The following ASXL3 variants were observed in gnomAD, a reference collection of about 807,000 sequenced individuals.
The protein encoded by ASXL3 is ASXL transcriptional regulator 3.
ASXL3 carries 34 observed loss-of-function variants against 170.6 expected under a neutral mutation model. The observed-to-expected ratio is 0.20, with a 90% CI of 0.15 to 0.27. The LOEUF (loss-of-function observed/expected upper bound fraction) is 0.27. Among genes scored for constraint, ASXL3 ranks in the 10% least tolerant of loss-of-function variants. The probability of loss-of-function intolerance (pLI) is 1.00; values close to 1 mark genes in which losing one functional copy is unlikely to be tolerated. For synonymous variants in ASXL3, 1,002 were observed against 989.1 expected, an observed-to-expected ratio of 1.01 and a Z score of -0.24; for missense variants, 2,592 against 2,695.3, an observed-to-expected ratio of 0.96 and a Z score of 0.85.
intron 1 of ASXL3, among the ~76,000 whole-genome samples, chr18:33,585,863 C>T (rs2065030332): frequency 6.6e-6 from 1 of 152,070 alleles, no homozygotes; most frequent in East Asian, 1.9e-4. Context: ...CTTTATTTTG[C>T]ATAGATGTAG....
intron 1 of ASXL3, among the ~76,000 whole-genome samples, chr18:33,583,242 A>G (rs184555928): frequency 5.3e-5 from 8 of 152,322 alleles, no homozygotes; most frequent in Admixed American, 5.2e-4. Context: ...ATTTCAGGTT[A>G]TAATCAGGTA....
In ASXL3 at chr18:33,689,540, A is replaced by G. The variant is rs532889411; in HGVS notation, c.879+5972A>G. Among the ~76,000 whole-genome samples, 8 of 152,264 alleles carry G rather than the reference A, an allele frequency of 5.3e-5. No homozygotes were observed. The South Asian group carries it at 1.7e-3, about 32-fold the overall frequency. On this transcript the variant is annotated intron_variant, in intron 8 of 11. Transcript: ENST00000269197. The stretch of plus-strand genomic sequence containing the variant: ...GTTCTTTAGTCTTTCCATGATGTTC[A>G]TGACCTTGACACTTTTGAATGTTAT...
At chr18:33,628,358 A>G (rs1013065044) in intron 2 of ASXL3, among the ~76,000 whole-genome samples, 2 of 152,134 alleles carry the variant, frequency 1.3e-5, no homozygotes, top group Non-Finnish European at 2.9e-5. Flanking sequence ...AAAGAAGAAG[A>G]AAATGATGGT....
intron 8 of ASXL3, among the ~76,000 whole-genome samples, chr18:33,706,105 C>T (rs1230152217): frequency 1.3e-5 from 1 of 75,818 alleles, no homozygotes; most frequent in African/African-American, 1.0e-4. Flanking sequence ...TCTCTTGATG[C>T]ACTTTTTTTT....
rs1246712981 is a variant in ASXL3, at chr18:33,744,002, T to C, written c.4154T>C (p.Val1385Ala). The change falls in exon 12 of 12, where the codon GTA (valine) becomes GCA (alanine). Residue 1385 changes from valine (V) to alanine (A), a missense_variant. Transcript: ENST00000269197. ...CCTGGGAGTGAAGAACAGGCCACTG[T>C]ATCCATGGGTACCACTGTGAGAGCA... ...AIPGSEEQAT[V>A]SMGTTVRAAL... is the part of the protein sequence containing the mutation. 2 of 1,614,036 alleles carry C rather than the reference T, an allele frequency of 1.2e-6. No homozygotes were observed. Among genetic ancestry groups the C allele is most frequent in the Middle Eastern group, 1.6e-4 (1 of 6,062 alleles).
At chr18:33,734,780 C>A (rs545566896) in intron 10 of ASXL3, among the ~76,000 whole-genome samples, 17 of 152,158 alleles carry the variant, frequency 1.1e-4, no homozygotes, top group African/African-American at 4.1e-4. Context: ...GTATTTAATT[C>A]TCACACTTTT....
chr18:33,634,532 C>A (rs1383622908), intron 2 of ASXL3, among the ~76,000 whole-genome samples: 5 of 151,960 alleles, frequency 3.3e-5, no homozygotes. Context: ...ATTTATTTTT[C>A]CTATAACTAA....
At chr18:33,596,162 G>A (rs564953759) in intron 1 of ASXL3, among the ~76,000 whole-genome samples, 1 of 152,074 alleles carries the variant, frequency 6.6e-6, no homozygotes, top group African/African-American at 2.4e-5. Context: ...GGTAGGCAGC[G>A]GTCATTTCTA....
At chr18:33,701,893 A>G (rs2066880511) in intron 8 of ASXL3, among the ~76,000 whole-genome samples, 1 of 151,690 alleles carries the variant, frequency 6.6e-6, no homozygotes, top group African/African-American at 2.4e-5. Context: ...CCTTATTTAA[A>G]TTATTTCCTG....
rs776465376 is a variant in ASXL3 at position 33,745,736 on chromosome 18, TCAA to T, written c.5891_5893del (p.Asn1964del). On this transcript the variant is annotated inframe_deletion, in exon 12 of 12. Coordinates refer to ENST00000269197, the MANE Select transcript of ASXL3 (RefSeq NM_030632.3). ...CCAGTGGGGTGTAATGCATTTGCCTTCAACAGGCATCTTGAACAGAAGGGATTG... is the reference window on the plus strand; with the variant it reads ...CCAGTGGGGTGTAATGCATTTGCCTTCAGGCATCTTGAACAGAAGGGATTG... 1.4e-5 allele frequency: 23 copies of T among 1,613,884 alleles called. No homozygotes were observed. Among genetic ancestry groups the T allele is most frequent in the Non-Finnish European group, 1.9e-5 (23 of 1,179,900 alleles).
chr18:33,737,791 A>G (rs7238029), intron 10 of ASXL3, among the ~76,000 whole-genome samples: 97,335 of 151,948 alleles, frequency 0.64, 33,201 homozygotes, highest in East Asian at 0.9. Context: ...ATTAGTTTAC[A>G]AAAACCAATC....
At chr18:33,636,340 A>AGCC (rs1568294831) in intron 2 of ASXL3, among the ~76,000 whole-genome samples, 14 of 54,276 alleles carry the variant, frequency 2.6e-4, no homozygotes, top group African/African-American at 9.8e-4. Flanking sequence ...CAACAGCAAC[A>AGCC]ACAACAGCCA....
chr18:33,621,434 G>A (rs1223151365), intron 2 of ASXL3, among the ~76,000 whole-genome samples: 7 of 152,114 alleles, frequency 4.6e-5, no homozygotes, highest in Admixed American at 4.6e-4. Context: ...TGAAAGGAAT[G>A]GCAAAAACCG....
At chr18:33,592,685 C>G (rs1419374270) in intron 1 of ASXL3, among the ~76,000 whole-genome samples, 1 of 152,120 alleles carries the variant, frequency 6.6e-6, no homozygotes, top group Admixed American at 6.5e-5. Flanking sequence ...CAGAGTCAAT[C>G]TTTATAAGAA....
intron 10 of ASXL3, among the ~76,000 whole-genome samples, chr18:33,737,136 C>A (rs927908171): frequency 6.6e-6 from 1 of 152,056 alleles, no homozygotes; most frequent in East Asian, 1.9e-4. Context: ...AGTTTGAATT[C>A]ATCTTAGAGA....
intron 8 of ASXL3, among the ~76,000 whole-genome samples, chr18:33,707,678 A>G (rs2066985274): frequency 6.6e-6 from 1 of 151,908 alleles, no homozygotes; most frequent in Admixed American, 6.6e-5. Flanking sequence ...GCCTTATTTC[A>G]CTGGATAATA....
chr18:33,713,248 GTTT>G (rs1226619353), intron 8 of ASXL3, among the ~76,000 whole-genome samples: 2 of 65,098 alleles, frequency 3.1e-5, no homozygotes, highest in Admixed American at 4.1e-4. Flanking sequence ...GTTTTGTTTT[GTTT>G]TTTTTTTTTT....
chr18:33,740,258 A>T lies in ASXL3; in HGVS notation c.2854A>T (p.Ile952Leu). 1 of 1,613,502 alleles carries T rather than the reference A, an allele frequency of 6.2e-7. No homozygotes were observed. The highest frequency in any genetic ancestry group is 8.5e-7 in the Non-Finnish European group (1 of 1,179,692). Residue 952 changes from isoleucine to leucine, a missense_variant, in exon 11 of 12, where the codon ATA becomes TTA. By Grantham distance (5) the Ile-to-Leu change is conservative (BLOSUM62 2). Coordinates refer to ENST00000269197, the MANE Select transcript of ASXL3 (RefSeq NM_030632.3). ...SSEPSKSPDG[I>L]RNESRDSEIS... The stretch of plus-strand genomic sequence containing the variant: ...AGAGCCCTCCAAGTCACCTGATGGG[A>T]TAAGAAATGAAAGTAGAGATTCAGA...
At chr18:33,718,698 T>C (rs912799464) in intron 8 of ASXL3, among the ~76,000 whole-genome samples, 1 of 151,838 alleles carries the variant, frequency 6.6e-6, no homozygotes, top group Non-Finnish European at 1.5e-5. Context: ...AATCTTTTTC[T>C]TTTTCTTTTT....
Sources: allele counts gnomAD v4.1 joint callset (sites outside exome capture counted in the v4.1 genomes callset), GRCh38; gene constraint gnomAD v4.1.1; transcripts MANE v1.5; gene names NCBI Gene and HGNC (gene_info 2026-07-23, HGNC 2026-07-21).